The following SYNPR variants were observed in gnomAD, a reference collection of about 807,000 sequenced individuals.
SYNPR encodes the protein synaptoporin.
SYNPR carries 23 observed loss-of-function variants against 32.9 expected under a neutral mutation model. The ratio of observed to expected loss-of-function variants is 0.70; its 90% CI spans 0.50 to 0.99. SYNPR has a LOEUF of 0.99. Ranked by LOEUF, SYNPR falls within the 50% of genes least tolerant of loss-of-function variation. SYNPR has a pLI of 0.00. For synonymous variants in SYNPR, 146 were observed against 135.9 expected, an observed-to-expected ratio of 1.07 and a Z score of -0.52; for missense variants, 318 against 349.3, an observed-to-expected ratio of 0.91 and a Z score of 0.71.
At chr3:63,526,061 G>T (rs754385006) in intron 3 of SYNPR, among the ~76,000 whole-genome samples, 1 of 152,162 alleles carries the variant, frequency 6.6e-6, no homozygotes, top group Non-Finnish European at 1.5e-5. Context: ...GAGGGGAGGT[G>T]CCAGGCTCTT....
intron 2 of SYNPR, among the ~76,000 whole-genome samples, chr3:63,414,703 G>A (rs1174499560): frequency 6.6e-6 from 1 of 152,158 alleles, no homozygotes; most frequent in African/African-American, 2.4e-5. Flanking sequence ...TTATTTGGAG[G>A]AGGAGAATAT....
At chr3:63,256,819 GA>G (rs1258466803) in intron 2 of SYNPR, among the ~76,000 whole-genome samples, 2 of 151,808 alleles carry the variant, frequency 1.3e-5, no homozygotes, top group African/African-American at 2.4e-5. Flanking sequence ...TAAAAACATT[GA>G]AAAAAAATTA....
chr3:63,531,337 G>A (rs1472513546), intron 3 of SYNPR, among the ~76,000 whole-genome samples: 2 of 152,138 alleles, frequency 1.3e-5, no homozygotes, highest in African/African-American at 4.8e-5. Context: ...ACTTATAGGG[G>A]AGTCATTCCT....
At chr3:63,401,867 A>G (rs2088297614) in intron 2 of SYNPR, among the ~76,000 whole-genome samples, 1 of 152,170 alleles carries the variant, frequency 6.6e-6, no homozygotes, top group Admixed American at 6.5e-5. Flanking sequence ...GATGAACCCA[A>G]TTTGTCATCC....
At chr3:63,322,723 A>C (rs1454977371) in intron 2 of SYNPR, among the ~76,000 whole-genome samples, 2 of 152,098 alleles carry the variant, frequency 1.3e-5, no homozygotes, top group African/African-American at 4.8e-5. Flanking sequence ...TTTGGAGCTT[A>C]GGTCTGTGTG....
chr3:63,575,811 G>C (rs1415194741), intron 4 of SYNPR, among the ~76,000 whole-genome samples: 1 of 152,074 alleles, frequency 6.6e-6, no homozygotes, highest in African/African-American at 2.4e-5. Context: ...AGAAGAGTGT[G>C]GTTTATGGCT....
intron 2 of SYNPR, among the ~76,000 whole-genome samples, chr3:63,436,312 C>G (rs1367700163): frequency 6.6e-6 from 1 of 151,270 alleles, no homozygotes; most frequent in Admixed American, 6.6e-5. Flanking sequence ...AGGTATATCT[C>G]CTAATGCTAT....
chr3:63,228,022 G>A (rs1398024373), upstream of SYNPR, among the ~76,000 whole-genome samples: 3 of 152,224 alleles, frequency 2.0e-5, no homozygotes, highest in African/African-American at 4.8e-5. Context: ...TAAATGCAAT[G>A]AATGGTCATT....
At chr3:63,253,653 A>T (rs2086356785) in intron 2 of SYNPR, among the ~76,000 whole-genome samples, 1 of 152,218 alleles carries the variant, frequency 6.6e-6, no homozygotes, top group African/African-American at 2.4e-5. Flanking sequence ...CGATCATTAA[A>T]AAGTCAGGAA....
chr3:63,226,875 A>G (rs1382604174), upstream of SYNPR, among the ~76,000 whole-genome samples: 1 of 152,228 alleles, frequency 6.6e-6, no homozygotes, highest in Non-Finnish European at 1.5e-5. Flanking sequence ...TGTTACCAAC[A>G]TATAGAAATG....
intron 2 of SYNPR, among the ~76,000 whole-genome samples, chr3:63,435,648 G>A (rs140420233): frequency 1.3e-4 from 20 of 152,242 alleles, no homozygotes; most frequent in East Asian, 1.9e-4. Context: ...AATTCCTGGC[G>A]TTCGGCTTAA....
At chr3:63,611,920 C>A (rs1052368935) in intron 5 of SYNPR, among the ~76,000 whole-genome samples, 1 of 152,150 alleles carries the variant, frequency 6.6e-6, no homozygotes, top group Admixed American at 6.6e-5. Flanking sequence ...AGAGAACACA[C>A]TTTACTGGGC....
At chr3:63,382,206 G>T (rs555189120) in intron 2 of SYNPR, among the ~76,000 whole-genome samples, 24 of 152,320 alleles carry the variant, frequency 1.6e-4, no homozygotes, top group African/African-American at 5.3e-4. Context: ...CATTACTGCT[G>T]AGTGTGGATG....
intron 2 of SYNPR, among the ~76,000 whole-genome samples, chr3:63,407,285 C>G (rs1026592768): frequency 2.0e-5 from 3 of 152,166 alleles, no homozygotes; most frequent in Non-Finnish European, 4.4e-5. Context: ...CTGTTATTAA[C>G]ACAGTGCTTA....
intron 1 of SYNPR, among the ~76,000 whole-genome samples, chr3:63,238,929 C>T (rs2106878770): frequency 1.3e-5 from 2 of 152,124 alleles, no homozygotes; most frequent in East Asian, 1.9e-4. Flanking sequence ...TGCTGTATTA[C>T]ACTTTAAGTC....
intron 4 of SYNPR, among the ~76,000 whole-genome samples, chr3:63,557,693 G>A (rs1702618234): frequency 1.3e-5 from 2 of 151,856 alleles, no homozygotes; most frequent in African/African-American, 4.8e-5. Flanking sequence ...ATGCGATGTG[G>A]GACATATAAC....
rs113751481 is a variant in SYNPR, at chr3:63,381,837, C to T, written c.85-98995C>T. ...CTTCCTGTGGATTACTGAAACATCT[C>T]TTTAAATTTCATTTTGATTTACACT... On this transcript the variant is annotated intron_variant, in intron 2 of 5. Coordinates refer to ENST00000478300, the MANE Select transcript of SYNPR (RefSeq NM_001130003.2). Among the ~76,000 whole-genome samples, 37 of 152,216 alleles carry T rather than the reference C, an allele frequency of 2.4e-4. 1 individual carries two copies. Among genetic ancestry groups the T allele is most frequent in the African/African-American group, 8.2e-4 (34 of 41,540 alleles).
chr3:63,358,309 T>A (rs1035879121), intron 2 of SYNPR, among the ~76,000 whole-genome samples: 2 of 152,230 alleles, frequency 1.3e-5, no homozygotes, highest in Admixed American at 6.5e-5. Flanking sequence ...AGGGAGAATC[T>A]ATTTCTTTGC....
At chr3:63,266,249 T>G (rs2086484130) in intron 2 of SYNPR, among the ~76,000 whole-genome samples, 1 of 130,588 alleles carries the variant, frequency 7.7e-6, no homozygotes. Context: ...TTTCTTTTTC[T>G]ATTTTTTTTT....
Sources: allele counts gnomAD v4.1 joint callset (sites outside exome capture counted in the v4.1 genomes callset), GRCh38; gene constraint gnomAD v4.1.1; transcripts MANE v1.5; gene names NCBI Gene and HGNC (gene_info 2026-07-23, HGNC 2026-07-21).